The following MTCL1 variants were observed in gnomAD, a reference collection of about 807,000 sequenced individuals.
MTCL1 encodes the protein microtubule cross-linking factor 1.
In MTCL1, 79 loss-of-function variants were observed where a neutral mutation model predicts 141.4. The ratio of observed to expected loss-of-function variants is 0.56; its 90% CI spans 0.47 to 0.67. MTCL1 has a LOEUF of 0.67. Ranked by LOEUF, MTCL1 falls within the 30% of genes least tolerant of loss-of-function variation. MTCL1 has a pLI of 0.00. For synonymous variants in MTCL1, 914 were observed against 875.8 expected, an observed-to-expected ratio of 1.04 and a Z score of -0.77; for missense variants, 2,177 against 2,113.9, an observed-to-expected ratio of 1.03 and a Z score of -0.59.
chr18:8,808,630 C>T (rs1006129192), intron 11 of MTCL1, among the ~76,000 whole-genome samples: 20 of 152,226 alleles, frequency 1.3e-4, no homozygotes, highest in Admixed American at 1.0e-3. Flanking sequence ...GTAATAATCC[C>T]ATATTTACCC....
intron 7 of MTCL1, among the ~76,000 whole-genome samples, chr18:8,792,506 C>T (rs768352164): frequency 7.0e-6 from 1 of 143,818 alleles, no homozygotes; most frequent in East Asian, 2.1e-4. Flanking sequence ...AAGACACCCT[C>T]GGTTGAGAAG....
At chr18:8,731,397 A>G (rs2096249931) in intron 4 of MTCL1, among the ~76,000 whole-genome samples, 1 of 151,956 alleles carries the variant, frequency 6.6e-6, no homozygotes, top group Admixed American at 6.6e-5. Context: ...AACATGGTGA[A>G]ACCCCGTCTG....
chr18:8,778,273 T>C (rs2096519519), intron 5 of MTCL1, among the ~76,000 whole-genome samples: 1 of 152,246 alleles, frequency 6.6e-6, no homozygotes, highest in African/African-American at 2.4e-5. Context: ...AAGACATTGT[T>C]TTGAATGTTG....
intron 16 of MTCL1, chr18:8,829,045 C>T: frequency 6.2e-7 from 1 of 1,609,142 alleles, no homozygotes; most frequent in Non-Finnish European, 8.5e-7. Context: ...ACGCTCATCA[C>T]CTGAGGGAGT....
Position 8,783,679 on chromosome 18 carries a change from T to A in MTCL1, c.567T>A (p.Ser189Arg), listed in dbSNP as rs755955881. 2 of 1,611,334 alleles carry A rather than the reference T, an allele frequency of 1.2e-6. No homozygotes were observed. The highest frequency in any genetic ancestry group is 1.7e-6 in the Non-Finnish European group (2 of 1,178,626). The change falls in exon 6 of 17, where the codon AGT (serine) becomes AGA (arginine). Residue 189 changes from serine (S) to arginine (R), a missense_variant. Physicochemically the swap from Ser to Arg is moderately radical, Grantham distance 110. Coordinates refer to ENST00000359865, the Ensembl canonical transcript of MTCL1. ...AGTCCCTCTATGGGGATGTGGACAG[T>A]CCCCTGCCCACGGGGGAAGCAGGCG...
intron 1 of MTCL1, chr18:8,707,550 G>C (rs1195360332): frequency 6.5e-6 from 1 of 152,842 alleles, no homozygotes. Flanking sequence ...GGGTTCCCGG[G>C]GTCAGGACGA....
intron 4 of MTCL1, among the ~76,000 whole-genome samples, chr18:8,742,326 T>C (rs1040252890): frequency 3.3e-5 from 5 of 152,140 alleles, no homozygotes; most frequent in Admixed American, 2.0e-4. Flanking sequence ...TCTGTATTAG[T>C]GCGTTCTCAT....
intron 4 of MTCL1, among the ~76,000 whole-genome samples, chr18:8,769,166 CT>C (rs2149041067): frequency 6.6e-6 from 1 of 152,286 alleles, no homozygotes; most frequent in South Asian, 2.1e-4. Context: ...TTTCTACAGA[CT>C]TTTCAACTTT....
intron 4 of MTCL1, among the ~76,000 whole-genome samples, chr18:8,736,192 G>A (rs1364369812): frequency 6.6e-6 from 1 of 152,136 alleles, no homozygotes; most frequent in Non-Finnish European, 1.5e-5. Context: ...CCAATTACAT[G>A]ATGACATGCC....
intron 13 of MTCL1, among the ~76,000 whole-genome samples, chr18:8,819,841 G>A (rs989806917): frequency 1.3e-5 from 2 of 152,084 alleles, no homozygotes; most frequent in Non-Finnish European, 2.9e-5. Flanking sequence ...GAACTCCTGG[G>A]CTCAAGTGAT....
chr18:8,726,669 G>C (rs1038164118), intron 4 of MTCL1, among the ~76,000 whole-genome samples: 1 of 152,116 alleles, frequency 6.6e-6, no homozygotes, highest in Non-Finnish European at 1.5e-5. Context: ...TATGAATTTG[G>C]GGGAGGGCAT....
At chr18:8,780,397 C>G (rs186226264) in intron 5 of MTCL1, among the ~76,000 whole-genome samples, 162 of 152,382 alleles carry the variant, frequency 1.1e-3, no homozygotes, top group African/African-American at 3.0e-3. Context: ...TCACAGCAGG[C>G]GGCCCTGCCC....
Position 8,793,082 on chromosome 18 carries a change from CAAGAGGAGACAGAGACATTTACAAACAA to C in MTCL1, c.1973_2000del (p.Gln658ArgfsTer13). On this transcript the variant is annotated frameshift_variant, in exon 8 of 17. Transcript: ENST00000359865. LOFTEE classifies it high-confidence loss of function. ...GCTCGTGCAGGCGGCCAGACTGCATCAAGAGGAGACAGAGACATTTACAAACAAGATCCATAAGGTAAATATTTAACAC... is the reference window on the plus strand; with the variant it reads ...GCTCGTGCAGGCGGCCAGACTGCATCGATCCATAAGGTAAATATTTAACAC... 6.2e-7 allele frequency: 1 copy of C among 1,614,094 alleles called. No homozygotes were observed. Among genetic ancestry groups the C allele is most frequent in the South Asian group, 1.1e-5 (1 of 91,048 alleles).
At chr18:8,831,976 A>C in exon 17 of MTCL1, 1 of 770,758 alleles carries the variant, frequency 1.3e-6, no homozygotes, top group Non-Finnish European at 2.0e-6. Context: ...TGTTTCTAGA[A>C]TGAAACAGTA....
intron 4 of MTCL1, among the ~76,000 whole-genome samples, chr18:8,748,468 G>A (rs547784311): frequency 1.2e-4 from 18 of 152,090 alleles, no homozygotes; most frequent in African/African-American, 3.1e-4. Flanking sequence ...GTTTGAGCGC[G>A]GGAGATCAAG....
chr18:8,831,587 T>C lies in MTCL1; in HGVS notation c.*19-20T>C. ...CACTGCCGGTCTGAGTAACCCTGTC[T>C]CCCTTTCTCGGCTCTGAAGGAACTA... On this transcript the variant is annotated intron_variant, in intron 16 of 16. Coordinates refer to ENST00000359865, the Ensembl canonical transcript of MTCL1. 6.5e-7 allele frequency: 1 copy of C among 1,548,886 alleles called. No individual in the cohort carries two copies. The highest frequency in any genetic ancestry group is 8.7e-7 in the Non-Finnish European group (1 of 1,145,628).
At chr18:8,803,025 A>G (rs1290588451) in intron 10 of MTCL1, among the ~76,000 whole-genome samples, 1 of 152,200 alleles carries the variant, frequency 6.6e-6, no homozygotes, top group Non-Finnish European at 1.5e-5. Flanking sequence ...AGCAAGGGGT[A>G]CCACCAGGGG....
At chr18:8,793,088 G>A (rs1458498122) in exon 8 of MTCL1, 1 of 1,614,096 alleles carries the variant, frequency 6.2e-7, no homozygotes, top group Non-Finnish European at 8.5e-7. Flanking sequence ...GCATCAAGAG[G>A]AGACAGAGAC....
intron 1 of MTCL1, chr18:8,717,798 T>C (rs887076838): frequency 2.8e-5 from 18 of 652,478 alleles, no homozygotes; most frequent in Non-Finnish European, 3.2e-5. Flanking sequence ...GGTGCATTCC[T>C]GTGGACAGCA....
Sources: allele counts gnomAD v4.1 joint callset (sites outside exome capture counted in the v4.1 genomes callset), GRCh38; gene constraint gnomAD v4.1.1; transcripts MANE v1.5; gene names NCBI Gene and HGNC (gene_info 2026-07-23, HGNC 2026-07-21).